ZSCAN25: variants seen among roughly 807,000 people sequenced by gnomAD.
ZSCAN25 encodes the protein zinc finger and SCAN domain-containing protein 25.
ZSCAN25 carries 27 observed loss-of-function variants against 38.7 expected under a neutral mutation model. The observed-to-expected ratio is 0.70, with a 90% confidence interval of 0.51 to 0.96. ZSCAN25 has a LOEUF of 0.96. Ranked by LOEUF, ZSCAN25 falls within the 40% of genes least tolerant of loss-of-function variation. The pLI, the probability that ZSCAN25 is intolerant of heterozygous loss-of-function variation, is 0.00. For synonymous variants in ZSCAN25, 273 were observed against 277.7 expected (o/e 0.98, Z 0.17); for missense variants, 637 against 705.9 (o/e 0.90, Z 1.11).
At chr7:99,673,281 G>A in the ZSCAN25 span, among the ~76,000 whole-genome samples, 1 of 152,126 alleles carries the variant, frequency 6.6e-6, no homozygotes, top group African/African-American at 2.4e-5. Flanking sequence ...AGTACAAAGA[G>A]GCAAAGCTTT....
the ZSCAN25 span, among the ~76,000 whole-genome samples, chr7:99,686,660 C>G: frequency 6.6e-6 from 1 of 152,210 alleles, no homozygotes; most frequent in Admixed American, 6.5e-5. Flanking sequence ...AGAGAGTAGT[C>G]ATTCTCCCAG....
At chr7:99,688,981 C>T in the ZSCAN25 span, among the ~76,000 whole-genome samples, 1 of 152,112 alleles carries the variant, frequency 6.6e-6, no homozygotes, top group African/African-American at 2.4e-5. Context: ...AGAACAAAGA[C>T]ACAACATACC....
chr7:99,636,598 A>G (rs60656271), downstream of ZSCAN25, among the ~76,000 whole-genome samples: 947 of 152,200 alleles, frequency 6.2e-3, 16 homozygotes, highest in African/African-American at 0.021. Flanking sequence ...AACCCACTCC[A>G]CCTTTTCCTG....
At chr7:99,638,743 AT>A in the ZSCAN25 span, 1,281 of 1,168,924 alleles carry the variant, frequency 1.1e-3, 2 homozygotes, top group Non-Finnish European at 1.5e-3. Context: ...GTTCCCGAAG[AT>A]TTTGCATAGC....
chr7:99,735,052 G>A, the ZSCAN25 span: 8 of 1,614,006 alleles, frequency 5.0e-6, no homozygotes, highest in Non-Finnish European at 6.8e-6. Flanking sequence ...TGACAGCCAG[G>A]AGAAGCCAGG....
the ZSCAN25 span, among the ~76,000 whole-genome samples, chr7:99,672,243 G>A: frequency 1.3e-5 from 2 of 152,022 alleles, no homozygotes; most frequent in Non-Finnish European, 2.9e-5. Context: ...GTAGAGATGG[G>A]GTTTCACCAT....
the ZSCAN25 span, chr7:99,674,642 C>T: frequency 6.8e-7 from 1 of 1,470,260 alleles, no homozygotes; most frequent in Admixed American, 1.7e-5. Context: ...TAAACCCTAC[C>T]TCTAATTGGG....
chr7:99,711,260 G>T, the ZSCAN25 span, among the ~76,000 whole-genome samples: 4 of 152,168 alleles, frequency 2.6e-5, no homozygotes, highest in Non-Finnish European at 4.4e-5. Flanking sequence ...ATATGGGGTA[G>T]TCTTCTCTCC....
chr7:99,662,078 T>C, the ZSCAN25 span, among the ~76,000 whole-genome samples: 1 of 152,202 alleles, frequency 6.6e-6, no homozygotes, highest in Non-Finnish European at 1.5e-5. The surrounding 1 kb of genome is among the most constrained non-coding windows in gnomAD (Gnocchi z 4.3). Context: ...AGATAGATGA[T>C]TGACAGATAG....
chr7:99,675,532 A>G, the ZSCAN25 span, among the ~76,000 whole-genome samples: 1 of 151,290 alleles, frequency 6.6e-6, no homozygotes, highest in Non-Finnish European at 1.5e-5. Flanking sequence ...CCTTCTGGAC[A>G]TGAGCTTGTG....
chr7:99,717,325 C>T, the ZSCAN25 span: 1 of 1,612,940 alleles, frequency 6.2e-7, no homozygotes, highest in African/African-American at 1.3e-5. Context: ...CCCAGAAGGA[C>T]ATGACTTTGC....
intron 5 of ZSCAN25, 86 bp from the exon 6 acceptor site, chr7:99,622,463 A>T (rs1384040122): frequency 1.6e-6 from 2 of 1,242,430 alleles, no homozygotes; most frequent in East Asian, 4.6e-5. Flanking sequence ...GGTTGTGAGC[A>T]TCTGGTAGGG....
chr7:99,695,721 A>C, the ZSCAN25 span: 6 of 1,596,074 alleles, frequency 3.8e-6, no homozygotes, highest in Non-Finnish European at 5.2e-6. Context: ...ATAAGAAGCC[A>C]AAGAGTGAGC....
intron 4 of ZSCAN25, 183 bp downstream of exon 4, chr7:99,620,176 G>A: frequency 1.2e-6 from 1 of 851,950 alleles, no homozygotes; most frequent in Non-Finnish European, 1.8e-6. Context: ...CATTCCCAGG[G>A]GAGATGCTGC....
chr7:99,714,915 T>A, the ZSCAN25 span, among the ~76,000 whole-genome samples: 80 of 152,326 alleles, frequency 5.3e-4, no homozygotes, highest in Admixed American at 8.5e-4. Context: ...CTTCTGCATC[T>A]TTTGAATGAT....
At position 99,629,443 on chromosome 7, in the gene ZSCAN25, G is replaced by T. The variant is rs1185526692; in HGVS notation, c.1058G>T (p.Cys353Phe). 2.5e-6 allele frequency: 4 copies of T among 1,614,124 alleles called. No homozygotes were observed. In the African/African-American group the frequency reaches 4.0e-5, roughly 16 times the overall value. ...TGGAAGCCTTTCCAGTGCCCTGAGT[G>T]TGGGAAAGGATTCAGTCGGAGCTCC... ...SFWKPFQCPECGKGFSRSSNL... is the reference protein window; with the variant it reads ...SFWKPFQCPEFGKGFSRSSNL... The change falls in exon 8 of 8, where the codon TGT becomes TTT. Residue 353 changes from cysteine to phenylalanine, a missense_variant. Physicochemically the swap from Cys to Phe is radical, Grantham distance 205. Coordinates refer to ENST00000394152, the MANE Select transcript of ZSCAN25 (RefSeq NM_145115.3). This position sits in a 1 kb window ranked among gnomAD's most constrained non-coding sequence, Gnocchi z 5.6.
At chr7:99,633,008 T>G (rs761904367), downstream of ZSCAN25, among the ~76,000 whole-genome samples, 159 of 150,740 alleles carry the variant, frequency 1.1e-3, no homozygotes, top group Middle Eastern at 6.9e-3. Flanking sequence ...TTTTTTGAGC[T>G]GGAGTCTCGC....
At chr7:99,643,641 C>T in the ZSCAN25 span, among the ~76,000 whole-genome samples, 8 of 151,908 alleles carry the variant, frequency 5.3e-5, no homozygotes, top group African/African-American at 1.5e-4. Context: ...ATCCCAACCC[C>T]GATGGCCCAA....
At chr7:99,674,192 A>C in the ZSCAN25 span, 1 of 198,504 alleles carries the variant, frequency 5.0e-6, no homozygotes, top group East Asian at 1.2e-4. Flanking sequence ...CTGTCCAGCA[A>C]CTGCCTGTCC....
Sources: allele counts gnomAD v4.1 joint callset (sites outside exome capture counted in the v4.1 genomes callset), GRCh38; gene constraint gnomAD v4.1.1; non-coding constraint Gnocchi (gnomAD v3.1); transcripts MANE v1.5; gene names NCBI Gene and HGNC (gene_info 2026-07-23, HGNC 2026-07-21).